The following HPS5 variants were observed in gnomAD, a reference collection of about 807,000 sequenced individuals.
HPS5 encodes the protein HPS5 biogenesis of lysosomal organelles complex 2 subunit 2, also known as BLOC-2 complex member HPS5.
HPS5 carries 83 observed loss-of-function variants against 128.0 expected under a neutral mutation model. That is an observed-to-expected ratio of 0.65 (90% CI 0.54 to 0.78). The LOEUF (loss-of-function observed/expected upper bound fraction) is 0.78. Among genes scored for constraint, HPS5 ranks in the 30% least tolerant of loss-of-function variants. HPS5 has a pLI of 0.00. For missense variants in HPS5, 1,281 were observed against 1,326.2 expected (o/e 0.97, Z 0.53); for synonymous variants, 475 against 470.2 (o/e 1.01, Z -0.13).
At position 18,317,897 on chromosome 11, in the gene HPS5, G is replaced by A; in HGVS notation, c.-39C>T. Reference sequence around the variant, plus strand: ...TGAAACTTGTTGAATGATAGATACAGTATTCCTCACCTGAATAAAATCCAC... The same window carrying A: ...TGAAACTTGTTGAATGATAGATACAATATTCCTCACCTGAATAAAATCCAC... On this transcript the variant is annotated 5_prime_UTR_variant, in exon 2 of 23. Transcript: ENST00000349215. The A allele has an allele frequency of 6.3e-7, 1 of 1,599,258 alleles. No homozygotes were observed. Among genetic ancestry groups the A allele is most frequent in the East Asian group, 2.2e-5 (1 of 44,770 alleles).
intron 14 of HPS5, among the ~76,000 whole-genome samples, chr11:18,294,642 T>G (rs1247049407): frequency 1.3e-5 from 2 of 152,210 alleles, no homozygotes; most frequent in Non-Finnish European, 2.9e-5. Context: ...TTCAACACTT[T>G]GTGGAATTTC....
intron 8 of HPS5, among the ~76,000 whole-genome samples, chr11:18,301,935 TCTA>T (rs1277218677): frequency 1.3e-5 from 2 of 152,152 alleles, no homozygotes; most frequent in African/African-American, 4.8e-5. Flanking sequence ...TAACACAGAA[TCTA>T]CTTCCTCCTC....
Position 18,310,748 on chromosome 11 carries a change from TG to T in HPS5, c.469del (p.Gln157LysfsTer9). On this transcript the variant is annotated frameshift_variant, in exon 5 of 23. Coordinates refer to ENST00000349215, the MANE Select transcript of HPS5 (RefSeq NM_181507.2). LOFTEE classifies it high-confidence loss of function. ...VSAIKLNTSK[Q>X]AKAAAAFVMF... ...AATGGGACTGCTTCTCACCTTTGCTTGTTTAGAAGTATTGAGTTTGATAGCA... is the reference window on the plus strand; with the variant it reads ...AATGGGACTGCTTCTCACCTTTGCTTTTTAGAAGTATTGAGTTTGATAGCA... 6.2e-7 allele frequency: 1 copy of T among 1,612,636 alleles called. No homozygotes were observed. Among genetic ancestry groups the T allele is most frequent in the South Asian group, 1.1e-5 (1 of 91,008 alleles).
intron 9 of HPS5, among the ~76,000 whole-genome samples, chr11:18,300,454 T>C (rs757729734): frequency 1.3e-5 from 2 of 152,096 alleles, no homozygotes; most frequent in Non-Finnish European, 2.9e-5. Context: ...CCCAGAACTT[T>C]GGGAGGCTGA....
Position 18,307,766 on chromosome 11 carries a change from CTG to C in HPS5, c.611+1178_611+1179del, listed in dbSNP as rs201645944. 5.4e-3 allele frequency among the ~76,000 whole-genome samples: 817 copies of C among 151,246 alleles called. 5 individuals carry two copies. Among genetic ancestry groups the C allele is most frequent in the Middle Eastern group, 0.02 (6 of 294 alleles). On this transcript the variant is annotated intron_variant, in intron 6 of 22. Transcript: ENST00000349215. ...CAAAGAAACAAAAAAAACCAAAAAA[CTG>C]TTTGTTGGGAGGGAAAACAGGTTGA...
intron 8 of HPS5, among the ~76,000 whole-genome samples, chr11:18,303,618 C>T (rs529744857): frequency 4.4e-4 from 67 of 152,184 alleles, no homozygotes; most frequent in African/African-American, 1.5e-3. Flanking sequence ...TTTGGGAAGC[C>T]GATGCAGGTG....
At chr11:18,292,315 C>T (rs901240998) in intron 15 of HPS5, among the ~76,000 whole-genome samples, 2 of 151,834 alleles carry the variant, frequency 1.3e-5, no homozygotes, top group Admixed American at 1.3e-4. Flanking sequence ...CCCACCTCAG[C>T]CTCCTGAGTA....
rs759587445 is a variant in HPS5 at position 18,317,897 on chromosome 11, G to C, written c.-39C>G. 7 of 1,599,258 alleles carry C rather than the reference G, an allele frequency of 4.4e-6. No individual in the cohort carries two copies. The highest frequency in any genetic ancestry group is 6.0e-6 in the Non-Finnish European group (7 of 1,170,358). On this transcript the variant is annotated 5_prime_UTR_variant, in exon 2 of 23. Coordinates refer to ENST00000349215, the MANE Select transcript of HPS5 (RefSeq NM_181507.2). Reference sequence around the variant, plus strand: ...TGAAACTTGTTGAATGATAGATACAGTATTCCTCACCTGAATAAAATCCAC... The same window carrying C: ...TGAAACTTGTTGAATGATAGATACACTATTCCTCACCTGAATAAAATCCAC...
At chr11:18,305,713 T>C (rs1273337989) in intron 7 of HPS5, among the ~76,000 whole-genome samples, 2 of 151,164 alleles carry the variant, frequency 1.3e-5, no homozygotes, top group East Asian at 1.9e-4. Context: ...AACTTCACTC[T>C]GAAAAGATAG....
intron 2 of HPS5, among the ~76,000 whole-genome samples, chr11:18,315,433 T>A (rs555489446): frequency 1.3e-5 from 2 of 152,094 alleles, no homozygotes; most frequent in South Asian, 4.2e-4. Flanking sequence ...GCCAACATGG[T>A]GAAACTCTGT....
intron 16 of HPS5, among the ~76,000 whole-genome samples, chr11:18,288,333 T>C (rs1205583384): frequency 6.6e-6 from 1 of 152,230 alleles, no homozygotes; most frequent in Non-Finnish European, 1.5e-5. Context: ...CAACTGTCCA[T>C]ATAAGCACAC....
intron 12 of HPS5, 142 bp downstream of exon 12, chr11:18,296,656 A>G: frequency 1.2e-6 from 1 of 838,846 alleles, no homozygotes; most frequent in Non-Finnish European, 2.1e-6. Flanking sequence ...GCAGATCTGT[A>G]GATCTGGATG....
intron 15 of HPS5, 97 bp from the exon 16 acceptor site, chr11:18,292,116 C>T: frequency 1.1e-6 from 1 of 883,346 alleles, no homozygotes; most frequent in South Asian, 1.4e-5. Flanking sequence ...ATGTAACATA[C>T]TCATCTGGAA....
rs1450669886 is a variant in HPS5 at position 18,295,163 on chromosome 11, A to G, written c.1641T>C (p.Ser547=). Residue 547 remains serine (S), a synonymous_variant, in exon 14 of 23, where the codon TCT becomes TCC. Transcript: ENST00000349215. The part of the protein sequence containing the change: ...VSLQAVKESV[S]SFVRKTTEKI... ...TCTCAGTAGTTTTACGCACAAAGCT[A>G]GAAACACTAGAAGTCAAATAACAAA... is the stretch of plus-strand genomic sequence containing the variant. 6.2e-6 allele frequency: 10 copies of G among 1,613,884 alleles called. No individual in the cohort carries two copies. The East Asian group carries it at 2.2e-4, about 36-fold the overall frequency.
intron 18 of HPS5, 93 bp downstream of exon 18, chr11:18,287,442 A>G (rs1859878747): frequency 1.4e-6 from 2 of 1,384,512 alleles, no homozygotes; most frequent in Non-Finnish European, 2.1e-6. Context: ...ACCCCTTGGT[A>G]ATTAACAGTA....
rs371871627 is a variant in HPS5 at position 18,290,133 on chromosome 11, C to G, written c.2440+1309G>C. ...AGACAGCACTTTCTACATGCTTTCC[C>G]CAGACATAGCAACCCAAACATGACC... On this transcript the variant is annotated intron_variant, in intron 16 of 22. Transcript: ENST00000349215. Among the ~76,000 whole-genome samples, 8 of 152,154 alleles carry G rather than the reference C, an allele frequency of 5.3e-5. No homozygotes were observed. The East Asian group carries it at 5.8e-4, about 11-fold the overall frequency.
chr11:18,318,134 A>G (rs1289413568), intron 1 of HPS5, among the ~76,000 whole-genome samples: 1 of 152,188 alleles, frequency 6.6e-6, no homozygotes, highest in Non-Finnish European at 1.5e-5. Context: ...GGCCCTCCAT[A>G]AGCCTATCCC....
chr11:18,315,450 G>A (rs534543366), intron 2 of HPS5, among the ~76,000 whole-genome samples: 7 of 151,976 alleles, frequency 4.6e-5, no homozygotes, highest in Non-Finnish European at 7.4e-5. Context: ...CTGTCTCTAC[G>A]AAAAACACAA....
chr11:18,318,529 G>A (rs1242250404), intron 1 of HPS5, among the ~76,000 whole-genome samples: 2 of 152,062 alleles, frequency 1.3e-5, no homozygotes, highest in Admixed American at 6.5e-5. Context: ...GACAGAATAC[G>A]GATAAGAATA....
Sources: gnomAD v4.1 joint callset for allele counts (sites outside exome capture counted in the v4.1 genomes callset) on GRCh38, gnomAD v4.1.1 for gene constraint, MANE v1.5 for transcripts, NCBI Gene and HGNC (gene_info 2026-07-23, HGNC 2026-07-21) for gene names.